The following GALNT13 variants were observed in gnomAD, a reference collection of about 807,000 sequenced individuals.
GALNT13 encodes polypeptide N-acetylgalactosaminyltransferase 13.
GALNT13 carries 28 observed loss-of-function variants against 64.2 expected under a neutral mutation model. That is an observed-to-expected ratio of 0.44 (90% CI 0.32 to 0.60). GALNT13 has a LOEUF of 0.60. Ranked by LOEUF, GALNT13 falls within the 20% of genes least tolerant of loss-of-function variation. The pLI, the probability that GALNT13 is intolerant of heterozygous loss-of-function variation, is 0.05. For missense variants in GALNT13, 577 were observed against 669.8 expected (o/e 0.86, Z 1.53); for synonymous variants, 214 against 224.6 (o/e 0.95, Z 0.42).
In GALNT13 at chr2:154,443,582, C is replaced by T. The variant is rs184781023; in HGVS notation, c.1530+4856C>T. On this transcript the variant is annotated intron_variant, in intron 12 of 12. Transcript: ENST00000392825. ...GCGATTGGCTCTTAAATCAACTATG[C>T]AGTCAGTTCATTAAAATATCTATTT... Among the ~76,000 whole-genome samples the T allele has an allele frequency of 5.5e-3, 830 of 152,042 alleles. 17 individuals are homozygous for T. In the South Asian group the frequency reaches 0.064, roughly 12 times the overall value.
the GALNT13 span, among the ~76,000 whole-genome samples, chr2:153,660,399 T>TAGGG: frequency 6.6e-6 from 1 of 151,962 alleles, no homozygotes; most frequent in East Asian, 1.9e-4. Flanking sequence ...CTTTGGAACT[T>TAGGG]ACGTGAAATA....
chr2:153,304,794 A>G, the GALNT13 span, among the ~76,000 whole-genome samples: 2 of 152,160 alleles, frequency 1.3e-5, no homozygotes, highest in Non-Finnish European at 2.9e-5. Context: ...AACCTTATAC[A>G]TTCCAAGTCA....
chr2:154,038,567 A>G (rs529333309), intron 3 of GALNT13, among the ~76,000 whole-genome samples: 12 of 152,286 alleles, frequency 7.9e-5, no homozygotes, highest in African/African-American at 1.4e-4. Flanking sequence ...TGCATGCAAG[A>G]CAACGTAAGT....
At chr2:154,225,101 G>GAGAT (rs3078692) in intron 4 of GALNT13, among the ~76,000 whole-genome samples, 39,498 of 136,066 alleles carry the variant, frequency 0.29, 5,863 homozygotes, top group Middle Eastern at 0.39. Context: ...CACACATGGA[G>GAGAT]AGATAGATAG....
the GALNT13 span, among the ~76,000 whole-genome samples, chr2:153,776,147 ATTG>A: frequency 1.3e-5 from 2 of 152,182 alleles, no homozygotes; most frequent in African/African-American, 2.4e-5. Flanking sequence ...GATGTGAAAT[ATTG>A]TTGTAGAAAT....
chr2:153,780,324 G>A, the GALNT13 span, among the ~76,000 whole-genome samples: 12 of 149,306 alleles, frequency 8.0e-5, no homozygotes, highest in East Asian at 2.0e-4. Context: ...CTAAGCCTCC[G>A]TTTAACCTAC....
At chr2:153,614,711 ACT>A in the GALNT13 span, among the ~76,000 whole-genome samples, 3 of 152,076 alleles carry the variant, frequency 2.0e-5, no homozygotes, top group Admixed American at 6.6e-5. Context: ...CATGAGACAC[ACT>A]GATTTTGGTT....
chr2:154,136,387 GTTGT>G (rs1284928948), intron 3 of GALNT13, among the ~76,000 whole-genome samples: 3 of 152,054 alleles, frequency 2.0e-5, no homozygotes, highest in Middle Eastern at 3.5e-3. Flanking sequence ...AATGTTTTTT[GTTGT>G]TTGTTTTTGC....
chr2:153,882,322 A>G (rs1686840928), intron 1 of GALNT13, among the ~76,000 whole-genome samples: 1 of 152,108 alleles, frequency 6.6e-6, no homozygotes. Context: ...CTAAAACAAA[A>G]TAATTTATCA....
intron 9 of GALNT13, among the ~76,000 whole-genome samples, chr2:154,322,819 C>T (rs13393190): frequency 0.15 from 23,372 of 151,970 alleles, 2,033 homozygotes; most frequent in Middle Eastern, 0.27. Flanking sequence ...AAGCCATTGA[C>T]TAAAGTCCCT....
At chr2:153,358,967 C>T in the GALNT13 span, among the ~76,000 whole-genome samples, 1 of 152,130 alleles carries the variant, frequency 6.6e-6, no homozygotes, top group Non-Finnish European at 1.5e-5. Context: ...GGATGCTTTC[C>T]TATTTTATAC....
intron 3 of GALNT13, among the ~76,000 whole-genome samples, chr2:153,964,663 GA>G (rs1693202447): frequency 6.6e-6 from 1 of 151,604 alleles, no homozygotes; most frequent in African/African-American, 2.4e-5. Flanking sequence ...GAAGGATAAT[GA>G]AAAATATATT....
the GALNT13 span, among the ~76,000 whole-genome samples, chr2:153,564,556 G>A: frequency 6.6e-6 from 1 of 151,476 alleles, no homozygotes; most frequent in South Asian, 2.1e-4. Flanking sequence ...ATGACCCTGT[G>A]GAGATAAAAT....
chr2:153,258,126 A>G, the GALNT13 span, among the ~76,000 whole-genome samples: 3 of 152,222 alleles, frequency 2.0e-5, no homozygotes, highest in African/African-American at 7.2e-5. Context: ...TATGGAACAG[A>G]GTTTCATCAA....
intron 10 of GALNT13, among the ~76,000 whole-genome samples, chr2:154,402,690 T>C (rs1699352856): frequency 6.6e-6 from 1 of 152,200 alleles, no homozygotes. Flanking sequence ...TAAAGTTCTT[T>C]AGTTGTTGGT....
the GALNT13 span, among the ~76,000 whole-genome samples, chr2:153,110,700 T>G: frequency 6.6e-6 from 1 of 152,126 alleles, no homozygotes; most frequent in African/African-American, 2.4e-5. Flanking sequence ...GTTCTAGGAC[T>G]GTGTATGCGA....
At chr2:153,662,087 C>A in the GALNT13 span, among the ~76,000 whole-genome samples, 1 of 152,076 alleles carries the variant, frequency 6.6e-6, no homozygotes. Context: ...TGTTGACGTC[C>A]GACATCTCTC....
At chr2:153,953,663 C>T (rs191109779) in intron 3 of GALNT13, among the ~76,000 whole-genome samples, 318 of 152,250 alleles carry the variant, frequency 2.1e-3, no homozygotes, top group African/African-American at 7.4e-3. Context: ...TTTGTCTTTA[C>T]TCTCAGAGAC....
chr2:153,525,326 G>A, the GALNT13 span, among the ~76,000 whole-genome samples: 1 of 152,164 alleles, frequency 6.6e-6, no homozygotes, highest in African/African-American at 2.4e-5. Context: ...TTCCAGCTGT[G>A]GTGGCTAAGG....
Sources: allele counts gnomAD v4.1 joint callset (sites outside exome capture counted in the v4.1 genomes callset), GRCh38; gene constraint gnomAD v4.1.1; transcripts MANE v1.5; gene names NCBI Gene and HGNC (gene_info 2026-07-23, HGNC 2026-07-21).